CSMD1: variants seen among roughly 807,000 people sequenced by gnomAD.
CSMD1 encodes the protein CUB and Sushi multiple domains 1, also known as CUB and sushi domain-containing protein 1.
In CSMD1, 213 loss-of-function variants were observed where a neutral mutation model predicts 417.5. That is an observed-to-expected ratio of 0.51 (90% CI 0.46 to 0.57). CSMD1 has a LOEUF of 0.57. CSMD1 is among the 20% of genes least tolerant of loss of function. The probability of loss-of-function intolerance (pLI) is 0.00; values close to 1 mark genes in which losing one functional copy is unlikely to be tolerated. For synonymous variants in CSMD1, 2,862 were observed against 1,736.8 expected, an observed-to-expected ratio of 1.65 and a Z score of -16.11; for missense variants, 6,923 against 4,529.7, an observed-to-expected ratio of 1.53 and a Z score of -15.17.
At chr8:4,660,397 A>G (rs1358162273) in intron 1 of CSMD1, among the ~76,000 whole-genome samples, 4 of 152,112 alleles carry the variant, frequency 2.6e-5, no homozygotes, top group African/African-American at 7.2e-5. Context: ...AGTAATGATT[A>G]AGCAAGATAC....
intron 41 of CSMD1, among the ~76,000 whole-genome samples, chr8:3,122,154 A>G (rs144350248): frequency 1.4e-4 from 21 of 152,308 alleles, no homozygotes; most frequent in Non-Finnish European, 2.8e-4. Context: ...TTATAACTCA[A>G]TATTTACAAG....
intron 5 of CSMD1, among the ~76,000 whole-genome samples, chr8:3,936,192 A>C (rs1287665839): frequency 6.6e-6 from 1 of 152,044 alleles, no homozygotes; most frequent in Non-Finnish European, 1.5e-5. Context: ...AAGAAAAAAA[A>C]AAAAAAGCCA....
At chr8:4,044,301 T>C (rs1013182079) in intron 3 of CSMD1, among the ~76,000 whole-genome samples, 6 of 152,228 alleles carry the variant, frequency 3.9e-5, no homozygotes. Flanking sequence ...AGAGAAATCA[T>C]CTCTGAAAAT....
At chr8:4,076,009 A>T (rs186947030) in intron 3 of CSMD1, among the ~76,000 whole-genome samples, 2 of 152,194 alleles carry the variant, frequency 1.3e-5, no homozygotes. Flanking sequence ...TGGAGGGGGG[A>T]TATTTTAATT....
chr8:3,678,413 G>C (rs569221874), intron 7 of CSMD1, among the ~76,000 whole-genome samples: 8 of 152,118 alleles, frequency 5.3e-5, no homozygotes, highest in Non-Finnish European at 1.0e-4. Context: ...CAGCCGATTC[G>C]ATCAACTGGA....
At position 3,300,818 on chromosome 8, in the gene CSMD1, G is replaced by T. The variant is rs148664456; in HGVS notation, c.3950+6877C>A. The stretch of plus-strand genomic sequence containing the variant: ...TAAAAATACAAAAAAAATTAGCTGG[G>T]TGTGGTGGCACATGCATGTAATCCC... On this transcript the variant is annotated intron_variant, in intron 25 of 69. Coordinates refer to ENST00000635120, the MANE Select transcript of CSMD1 (RefSeq NM_033225.6). 1.7e-3 allele frequency among the ~76,000 whole-genome samples: 263 copies of T among 151,966 alleles called. 3 individuals are homozygous for T. Among genetic ancestry groups the T allele is most frequent in the African/African-American group, 5.7e-3 (238 of 41,482 alleles).
At chr8:3,772,945 G>A (rs1026476662) in intron 5 of CSMD1, among the ~76,000 whole-genome samples, 2 of 152,072 alleles carry the variant, frequency 1.3e-5, no homozygotes, top group African/African-American at 4.8e-5. Context: ...CTGGGGTCTG[G>A]AGGTTCACTA....
intron 7 of CSMD1, among the ~76,000 whole-genome samples, chr8:3,668,069 A>G (rs754466793): frequency 3.3e-5 from 5 of 152,250 alleles, no homozygotes; most frequent in East Asian, 1.9e-4. Context: ...CTCAGTCTCA[A>G]TCAGGTGCAG....
At chr8:4,933,424 T>C (rs555472590) in intron 1 of CSMD1, among the ~76,000 whole-genome samples, 9 of 152,206 alleles carry the variant, frequency 5.9e-5, no homozygotes, top group South Asian at 2.1e-4. Context: ...ATATTTTGGG[T>C]CTTTGTGTCA....
At position 3,525,062 on chromosome 8, in the gene CSMD1, T is replaced by C. The variant is rs1351022748; in HGVS notation, c.1345-31336A>G. On this transcript the variant is annotated intron_variant, in intron 10 of 69. Coordinates refer to ENST00000635120, the MANE Select transcript of CSMD1 (RefSeq NM_033225.6). The stretch of plus-strand genomic sequence containing the variant: ...TTGGTCCAACGCCGAATAAACTCTA[T>C]CTGAAAAGCCAACTAAAGTGAATCT... 4.6e-5 allele frequency among the ~76,000 whole-genome samples: 7 copies of C among 152,264 alleles called. No individual in the cohort carries two copies. The South Asian group carries it at 6.2e-4, about 14-fold the overall frequency.
intron 10 of CSMD1, among the ~76,000 whole-genome samples, chr8:3,552,249 T>C (rs1798948269): frequency 6.6e-6 from 1 of 152,080 alleles, no homozygotes; most frequent in African/African-American, 2.4e-5. Flanking sequence ...TACAAAAAAG[T>C]GTATCGACAC....
At chr8:3,189,092 G>A in intron 34 of CSMD1, 81 bp from the exon 35 acceptor site, 31 of 1,336,354 alleles carry the variant, frequency 2.3e-5, no homozygotes, top group Non-Finnish European at 3.2e-5. Context: ...TTCACTGTGT[G>A]ACCACACAGT....
intron 1 of CSMD1, among the ~76,000 whole-genome samples, chr8:4,822,262 C>T (rs1046142764): frequency 2.6e-5 from 4 of 152,040 alleles, no homozygotes; most frequent in Non-Finnish European, 4.4e-5. Flanking sequence ...CTAGAGGATC[C>T]GATTATGGGT....
At position 4,755,225 on chromosome 8, in the gene CSMD1, C is replaced by G. The variant is rs547629167; in HGVS notation, c.86-117667G>C. On this transcript the variant is annotated intron_variant, in intron 1 of 69. Transcript: ENST00000635120. ...AAATCTCATGTCCACGCAGTATTTC[C>G]TGAGTCTTTGTTGTTTATACTCATG... Among the ~76,000 whole-genome samples the G allele has an allele frequency of 5.9e-5, 9 of 152,312 alleles. No homozygotes were observed. The South Asian group carries it at 1.7e-3, about 28-fold the overall frequency.
chr8:4,992,460 C>A (rs1349771412), intron 1 of CSMD1, among the ~76,000 whole-genome samples: 1 of 152,186 alleles, frequency 6.6e-6, no homozygotes. Flanking sequence ...AGCCCCGGGC[C>A]CAGTTAGGCT....
At chr8:4,827,657 A>T (rs567850473) in intron 1 of CSMD1, among the ~76,000 whole-genome samples, 1 of 152,260 alleles carries the variant, frequency 6.6e-6, no homozygotes, top group South Asian at 2.1e-4. Context: ...AGCTTCTCGA[A>T]ATGCTTACTC....
intron 5 of CSMD1, among the ~76,000 whole-genome samples, chr8:3,805,519 G>A (rs973453578): frequency 6.6e-6 from 1 of 152,100 alleles, no homozygotes; most frequent in African/African-American, 2.4e-5. Context: ...TCTGAGTCCT[G>A]GAACACTTTC....
At chr8:3,185,093 C>T (rs1381301977) in intron 36 of CSMD1, among the ~76,000 whole-genome samples, 1 of 152,138 alleles carries the variant, frequency 6.6e-6, no homozygotes, top group Non-Finnish European at 1.5e-5. Context: ...ACCATGGACC[C>T]CCTAAATTTA....
intron 54 of CSMD1, among the ~76,000 whole-genome samples, chr8:2,981,435 G>A (rs976263849): frequency 6.6e-6 from 1 of 152,178 alleles, no homozygotes; most frequent in Admixed American, 6.5e-5. Flanking sequence ...CTCCAGACCT[G>A]GTTCATGACA....
Sources: gnomAD v4.1 joint callset for allele counts (sites outside exome capture counted in the v4.1 genomes callset) on GRCh38, gnomAD v4.1.1 for gene constraint, MANE v1.5 for transcripts, NCBI Gene and HGNC (gene_info 2026-07-23, HGNC 2026-07-21) for gene names.